Variants in MEI4 observed in about 807,000 individuals in gnomAD.
The protein encoded by MEI4 is meiosis-specific protein MEI4.
A neutral mutation model predicts 31.4 loss-of-function variants in MEI4; 27 were observed. That is an observed-to-expected ratio of 0.86 (90% CI 0.63 to 1.19). The LOEUF (loss-of-function observed/expected upper bound fraction) is 1.19, where lower values mean the gene tolerates loss of function less well. Among genes scored for constraint, MEI4 ranks in the 50% most tolerant of loss-of-function variants. MEI4 has a pLI of 0.00. For missense variants in MEI4, 329 were observed against 398.9 expected, an observed-to-expected ratio of 0.82 and a Z score of 1.49; for synonymous variants, 122 against 145.4, an observed-to-expected ratio of 0.84 and a Z score of 1.16.
intron 1 of MEI4, among the ~76,000 whole-genome samples, chr6:77,675,663 C>T (rs989995900): frequency 2.0e-5 from 3 of 151,512 alleles, no homozygotes; most frequent in Admixed American, 1.3e-4. Flanking sequence ...TATGAATTTT[C>T]TGCTCAATCT....
At chr6:77,755,937 A>C (rs950230494) in intron 2 of MEI4, among the ~76,000 whole-genome samples, 1 of 152,060 alleles carries the variant, frequency 6.6e-6, no homozygotes, top group Non-Finnish European at 1.5e-5. Context: ...TCTGCACAAT[A>C]ATAAATGAAG....
intron 2 of MEI4, among the ~76,000 whole-genome samples, chr6:77,735,912 C>T (rs1228149680): frequency 4.6e-5 from 7 of 151,660 alleles, no homozygotes; most frequent in Non-Finnish European, 1.0e-4. Context: ...GTCAGTCTGC[C>T]CCTGCTGGGG....
At chr6:77,695,790 A>G (rs1021370326) in intron 2 of MEI4, among the ~76,000 whole-genome samples, 4 of 152,094 alleles carry the variant, frequency 2.6e-5, no homozygotes, top group African/African-American at 7.2e-5. Context: ...GTTTTTTCCA[A>G]TTCTGTGAAG....
At chr6:77,880,899 T>A (rs576695472) in intron 4 of MEI4, among the ~76,000 whole-genome samples, 3 of 152,018 alleles carry the variant, frequency 2.0e-5, no homozygotes, top group Admixed American at 6.5e-5. Context: ...AAAAAAAAAA[T>A]TAGGTTCTAC....
chr6:77,873,080 TTTTATAGCAGCATGA>T (rs1294055705), intron 4 of MEI4, among the ~76,000 whole-genome samples: 9 of 151,008 alleles, frequency 6.0e-5, no homozygotes, highest in Non-Finnish European at 1.0e-4. Context: ...ATTTATAGTC[TTTTATAGCAGCATGA>T]TTTATAGCAG....
At chr6:77,769,550 C>A (rs1316582075) in intron 3 of MEI4, among the ~76,000 whole-genome samples, 1 of 152,076 alleles carries the variant, frequency 6.6e-6, no homozygotes. Context: ...CTTGTGTCAC[C>A]CCTCCACCAA....
At chr6:77,788,951 T>A (rs1768833886) in intron 3 of MEI4, among the ~76,000 whole-genome samples, 1 of 152,054 alleles carries the variant, frequency 6.6e-6, no homozygotes, top group South Asian at 2.1e-4. Context: ...GCCAAGTAAA[T>A]CCTAAGCCAA....
intron 3 of MEI4, among the ~76,000 whole-genome samples, chr6:77,802,895 G>T (rs189636454): frequency 6.6e-6 from 1 of 152,262 alleles, no homozygotes; most frequent in East Asian, 1.9e-4. Flanking sequence ...CTCTCTGGCT[G>T]CCCTTAACAT....
intron 3 of MEI4, among the ~76,000 whole-genome samples, chr6:77,763,262 C>T (rs1768084421): frequency 6.6e-6 from 1 of 151,936 alleles, no homozygotes; most frequent in Non-Finnish European, 1.5e-5. Context: ...GCTGTGCTGC[C>T]TGGGGTTTGT....
At chr6:77,830,946 A>G (rs1249319379) in intron 4 of MEI4, among the ~76,000 whole-genome samples, 2 of 152,080 alleles carry the variant, frequency 1.3e-5, no homozygotes, top group African/African-American at 2.4e-5. Flanking sequence ...AAAGGAAACA[A>G]TTAGCCAAGT....
Position 77,820,499 on chromosome 6 carries a change from C to T in MEI4, c.769-8432C>T, listed in dbSNP as rs1173950897. 6.6e-6 allele frequency among the ~76,000 whole-genome samples: 1 copy of T among 152,220 alleles called. No individual in the cohort carries two copies. Among genetic ancestry groups the T allele is most frequent in the East Asian group, 1.9e-4 (1 of 5,196 alleles). On this transcript the variant is annotated intron_variant, in intron 3 of 4. Coordinates refer to ENST00000684080, the MANE Select transcript of MEI4 (RefSeq NM_001322247.2). This position sits in a 1 kb window ranked among gnomAD's most constrained non-coding sequence, Gnocchi z 4.5. ...CAGGCTGGTCTGGAACCCCTGACCT[C>T]AGGCAATTCGCCTGCCTAGGCCTCC... is the stretch of plus-strand genomic sequence containing the variant.
chr6:77,711,720 C>T (rs1052733517), intron 2 of MEI4, among the ~76,000 whole-genome samples: 2 of 152,150 alleles, frequency 1.3e-5, no homozygotes, highest in Admixed American at 6.5e-5. Context: ...TTGATTCCAA[C>T]CCCCTTTTTT....
At chr6:77,706,611 T>C (rs1001197284) in intron 2 of MEI4, among the ~76,000 whole-genome samples, 1 of 152,164 alleles carries the variant, frequency 6.6e-6, no homozygotes, top group Non-Finnish European at 1.5e-5. Flanking sequence ...CATGTTAAAA[T>C]GTGATCTTCA....
chr6:77,791,680 A>T (rs890426014), intron 3 of MEI4, among the ~76,000 whole-genome samples: 6 of 117,322 alleles, frequency 5.1e-5, no homozygotes, highest in Admixed American at 9.6e-5. Flanking sequence ...TTAAAGTATA[A>T]AAAAAAAAAA....
intron 3 of MEI4, among the ~76,000 whole-genome samples, chr6:77,782,417 A>G (rs1429343255): frequency 1.3e-5 from 2 of 152,196 alleles, no homozygotes; most frequent in African/African-American, 2.4e-5. Flanking sequence ...AAAATTACAC[A>G]TACTTAAGAT....
chr6:77,735,988 C>T lies in MEI4; in HGVS notation c.233-25142C>T, dbSNP rs12524098. The stretch of plus-strand genomic sequence containing the variant: ...GACCCACTTGAGGAGGCAGTCTGCC[C>T]GTTCTCAGATCTCCAGCTGCGTGCT... On this transcript the variant is annotated intron_variant, in intron 2 of 4. Coordinates refer to ENST00000684080, the MANE Select transcript of MEI4 (RefSeq NM_001322247.2). Among the ~76,000 whole-genome samples the T allele has an allele frequency of 5.7e-3, 873 of 152,000 alleles. 13 individuals are homozygous for T. Among genetic ancestry groups the T allele is most frequent in the African/African-American group, 0.019 (792 of 41,386 alleles).
chr6:77,855,120 A>T lies in MEI4; in HGVS notation c.900+26058A>T, dbSNP rs113085477. On this transcript the variant is annotated intron_variant, in intron 4 of 4. Coordinates refer to ENST00000684080, the MANE Select transcript of MEI4 (RefSeq NM_001322247.2). ...CACGTTGGGAGGCCAAGGCGGGCAG[A>T]TCACCTGAGGTCAGGAGTTTGAGAC... Among the ~76,000 whole-genome samples the T allele has an allele frequency of 9.1e-3, 1,389 of 152,230 alleles. 17 individuals carry two copies. Among genetic ancestry groups the T allele is most frequent in the African/African-American group, 0.031 (1,287 of 41,532 alleles).
At chr6:77,675,878 G>GT (rs1208772012) in intron 1 of MEI4, among the ~76,000 whole-genome samples, 1 of 152,294 alleles carries the variant, frequency 6.6e-6, no homozygotes, top group Non-Finnish European at 1.5e-5. Flanking sequence ...TTTCAGCCGA[G>GT]TGTCCCTGAG....
intron 2 of MEI4, among the ~76,000 whole-genome samples, chr6:77,704,349 T>C (rs1405027749): frequency 6.6e-6 from 1 of 152,242 alleles, no homozygotes; most frequent in Non-Finnish European, 1.5e-5. Flanking sequence ...CTTTCCTTGC[T>C]GCTTCAACTC....
Sources: allele counts gnomAD v4.1 joint callset (sites outside exome capture counted in the v4.1 genomes callset), GRCh38; gene constraint gnomAD v4.1.1; non-coding constraint Gnocchi (gnomAD v3.1); transcripts MANE v1.5; gene names NCBI Gene and HGNC (gene_info 2026-07-23, HGNC 2026-07-21).